The following KANSL1 variants were observed in gnomAD, a reference collection of about 807,000 sequenced individuals.
KANSL1 encodes the protein KAT8 regulatory NSL complex subunit 1.
KANSL1 carries 22 observed loss-of-function variants against 103.6 expected under a neutral mutation model. The observed-to-expected ratio is 0.21, with a 90% CI of 0.15 to 0.30. KANSL1 has a LOEUF of 0.30. Ranked by LOEUF, KANSL1 falls within the 10% of genes least tolerant of loss-of-function variation. The probability of loss-of-function intolerance (pLI) is 1.00; values close to 1 mark genes in which losing one functional copy is unlikely to be tolerated. For synonymous variants in KANSL1, 600 were observed against 527.6 expected, an observed-to-expected ratio of 1.14 and a Z score of -1.88; for missense variants, 1,337 against 1,399.8, an observed-to-expected ratio of 0.96 and a Z score of 0.72.
intron 2 of KANSL1, among the ~76,000 whole-genome samples, chr17:46,113,740 A>G (rs1203218016): frequency 6.6e-6 from 1 of 152,196 alleles, no homozygotes; most frequent in Non-Finnish European, 1.5e-5. Flanking sequence ...TGTAACCTAC[A>G]TGGGAGGGGG....
chr17:46,044,111 G>C (rs945718552), intron 7 of KANSL1: 1 of 152,034 alleles, frequency 6.6e-6, no homozygotes, highest in Non-Finnish European at 1.5e-5. Flanking sequence ...TACGGGACCT[G>C]AAAGTAAGCA....
chr17:46,217,303 C>T (rs1203820201), intron 1 of KANSL1, among the ~76,000 whole-genome samples: 1 of 151,716 alleles, frequency 6.6e-6, no homozygotes, highest in Non-Finnish European at 1.5e-5. Flanking sequence ...TGGTGAAACC[C>T]CATCTCTACC....
intron 1 of KANSL1, among the ~76,000 whole-genome samples, chr17:46,185,787 C>T (rs1319570001): frequency 3.3e-5 from 5 of 151,464 alleles, no homozygotes; most frequent in Non-Finnish European, 7.4e-5. Flanking sequence ...CTCTAGAAGT[C>T]AAGGTGGGAG....
intron 2 of KANSL1, among the ~76,000 whole-genome samples, chr17:46,158,034 T>C (rs1305307510): frequency 1.3e-5 from 2 of 152,250 alleles, no homozygotes; most frequent in African/African-American, 2.4e-5. Flanking sequence ...AAACCCCAGA[T>C]CTTTTTGTTA....
At chr17:46,189,671 G>A (rs2047213104) in intron 1 of KANSL1, among the ~76,000 whole-genome samples, 1 of 152,102 alleles carries the variant, frequency 6.6e-6, no homozygotes, top group Non-Finnish European at 1.5e-5. Context: ...ATCACTTGAG[G>A]TCAGGAGTTC....
intron 8 of KANSL1, 141 bp from the exon 9 acceptor site, chr17:46,039,356 A>C: frequency 1.3e-6 from 1 of 754,054 alleles, no homozygotes; most frequent in South Asian, 2.2e-5. Context: ...TGAAGTTTCT[A>C]GTAATTTGCA....
intron 4 of KANSL1, among the ~76,000 whole-genome samples, chr17:46,072,525 C>T (rs2078615495): frequency 6.6e-6 from 1 of 151,882 alleles, no homozygotes. Context: ...GATTTCATGT[C>T]TCAAGCCCAC....
At chr17:46,136,559 C>T (rs114400443) in intron 2 of KANSL1, among the ~76,000 whole-genome samples, 1,561 of 152,296 alleles carry the variant, frequency 0.01, 25 homozygotes, top group African/African-American at 0.033. Flanking sequence ...GACATAAACA[C>T]ATTAGGTAGA....
At chr17:46,118,177 A>T (rs1012638890) in intron 2 of KANSL1, among the ~76,000 whole-genome samples, 2 of 152,216 alleles carry the variant, frequency 1.3e-5, no homozygotes, top group African/African-American at 4.8e-5. Context: ...GCACTAACTG[A>T]GGGTCATGTT....
intron 2 of KANSL1, among the ~76,000 whole-genome samples, chr17:46,151,255 T>G (rs62063241): frequency 6.6e-6 from 1 of 152,232 alleles, no homozygotes; most frequent in South Asian, 2.1e-4. Flanking sequence ...TGGATCAGCA[T>G]GCATGCTCCT....
At chr17:46,097,895 C>T (rs945135184) in intron 2 of KANSL1, among the ~76,000 whole-genome samples, 1 of 149,534 alleles carries the variant, frequency 6.7e-6, no homozygotes, top group African/African-American at 2.6e-5. Context: ...TAATTAAGAC[C>T]AAGGGTAGTA....
intron 2 of KANSL1, among the ~76,000 whole-genome samples, chr17:46,131,527 T>C (rs186062768): frequency 1.3e-5 from 2 of 152,210 alleles, no homozygotes; most frequent in African/African-American, 2.4e-5. Context: ...GAAACCTGAG[T>C]GCCTACTGTG....
chr17:46,138,970 G>C (rs755770297), intron 2 of KANSL1, among the ~76,000 whole-genome samples: 1 of 152,202 alleles, frequency 6.6e-6, no homozygotes, highest in Non-Finnish European at 1.5e-5. Context: ...AGTGGCTTAT[G>C]AATCAATCCT....
intron 4 of KANSL1, among the ~76,000 whole-genome samples, chr17:46,069,798 T>C (rs774387810): frequency 1.3e-5 from 2 of 151,896 alleles, no homozygotes; most frequent in African/African-American, 2.4e-5. Context: ...ATTGGGAAGA[T>C]AATCTAAAAG....
At chr17:46,197,672 G>A (rs764559599), upstream of KANSL1, among the ~76,000 whole-genome samples, 1 of 152,186 alleles carries the variant, frequency 6.6e-6, no homozygotes, top group Non-Finnish European at 1.5e-5. Context: ...TACAGAGTTG[G>A]CACTACATTA....
At chr17:46,050,436 A>G (rs2077672309) in intron 7 of KANSL1, 97 bp downstream of exon 7, 1 of 1,241,490 alleles carries the variant, frequency 8.1e-7, no homozygotes, top group Non-Finnish European at 1.1e-6. Flanking sequence ...GTACCTTGAA[A>G]GTATCTGAGT....
chr17:46,170,774 T>C (rs2046241792), intron 2 of KANSL1, 81 bp downstream of exon 2: 3 of 1,406,890 alleles, frequency 2.1e-6, no homozygotes, highest in East Asian at 2.3e-5. Flanking sequence ...AAGAATCACA[T>C]TCTCTCCATA....
intron 4 of KANSL1, 63 bp downstream of exon 4, chr17:46,082,378 C>T: frequency 3.0e-6 from 3 of 1,000,264 alleles, no homozygotes; most frequent in South Asian, 2.8e-5. Flanking sequence ...AGAGAAAAAA[C>T]GGTGTGCCAA....
intron 2 of KANSL1, among the ~76,000 whole-genome samples, chr17:46,141,860 C>T (rs1434762601): frequency 6.6e-6 from 1 of 152,178 alleles, no homozygotes; most frequent in Non-Finnish European, 1.5e-5. Flanking sequence ...ACAAAAAACG[C>T]TCTGATGAAT....
Sources: allele counts gnomAD v4.1 joint callset (sites outside exome capture counted in the v4.1 genomes callset), GRCh38; gene constraint gnomAD v4.1.1; transcripts MANE v1.5; gene names NCBI Gene and HGNC (gene_info 2026-07-23, HGNC 2026-07-21).